The following MGAT4C variants were observed in gnomAD, a reference collection of about 807,000 sequenced individuals.
The protein encoded by MGAT4C is alpha-1,3-mannosyl-glycoprotein 4-beta-N-acetylglucosaminyltransferase C.
In MGAT4C, 19 loss-of-function variants were observed where a neutral mutation model predicts 40.1. The ratio of observed to expected loss-of-function variants is 0.47; its 90% CI spans 0.33 to 0.70. The LOEUF is 0.70. MGAT4C is among the 30% of genes least tolerant of loss of function. The pLI, the probability that MGAT4C is intolerant of heterozygous loss-of-function variation, is 0.02. For synonymous variants in MGAT4C, 181 were observed against 187.1 expected (o/e 0.97, Z 0.27); for missense variants, 491 against 563.2 (o/e 0.87, Z 1.30).
At chr12:86,660,870 A>C (rs1963965033) in intron 2 of MGAT4C, among the ~76,000 whole-genome samples, 1 of 152,190 alleles carries the variant, frequency 6.6e-6, no homozygotes, top group Non-Finnish European at 1.5e-5. Context: ...TATGTAGACC[A>C]TGAATTTTAA....
At chr12:86,557,713 T>C (rs1959679069) in intron 2 of MGAT4C, among the ~76,000 whole-genome samples, 1 of 152,166 alleles carries the variant, frequency 6.6e-6, no homozygotes, top group African/African-American at 2.4e-5. Flanking sequence ...ACTATAAATA[T>C]ATCTGTATGA....
chr12:86,756,323 G>T (rs1328291518), intron 1 of MGAT4C, among the ~76,000 whole-genome samples: 2 of 152,042 alleles, frequency 1.3e-5, no homozygotes, highest in Non-Finnish European at 2.9e-5. Context: ...CCCATCATGT[G>T]AGTCCCGCCT....
At chr12:86,170,133 GT>G (rs1489806647) in intron 1 of MGAT4C, among the ~76,000 whole-genome samples, 1 of 152,208 alleles carries the variant, frequency 6.6e-6, no homozygotes, top group Non-Finnish European at 1.5e-5. Flanking sequence ...ATGATTAGTT[GT>G]TGGGCTAAAG....
At chr12:86,157,810 C>T (rs140696275) in intron 1 of MGAT4C, among the ~76,000 whole-genome samples, 128 of 152,178 alleles carry the variant, frequency 8.4e-4, no homozygotes, top group Middle Eastern at 3.4e-3. Flanking sequence ...ATGAGAACAG[C>T]GTGGGGGAAA....
At chr12:86,708,841 G>C (rs1749111980) in intron 2 of MGAT4C, among the ~76,000 whole-genome samples, 1 of 152,146 alleles carries the variant, frequency 6.6e-6, no homozygotes, top group Non-Finnish European at 1.5e-5. Context: ...CCCCACACCT[G>C]TATCCCCATT....
chr12:86,109,695 T>C (rs1008000177), intron 1 of MGAT4C, among the ~76,000 whole-genome samples: 1 of 152,026 alleles, frequency 6.6e-6, no homozygotes, highest in Non-Finnish European at 1.5e-5. Context: ...ATTCATTATT[T>C]TGACAAATAT....
At chr12:86,564,459 A>G (rs1262428564) in intron 2 of MGAT4C, among the ~76,000 whole-genome samples, 1 of 152,178 alleles carries the variant, frequency 6.6e-6, no homozygotes, top group Non-Finnish European at 1.5e-5. Context: ...CCCTTCCACA[A>G]GATATCACAC....
intron 2 of MGAT4C, among the ~76,000 whole-genome samples, chr12:86,611,242 A>T (rs1163456548): frequency 2.0e-5 from 3 of 152,096 alleles, no homozygotes; most frequent in Admixed American, 6.6e-5. Context: ...ATTTTGAAAT[A>T]ATTGTTATTC....
At chr12:86,837,467 A>G (rs1953060073) in intron 1 of MGAT4C, among the ~76,000 whole-genome samples, 1 of 152,072 alleles carries the variant, frequency 6.6e-6, no homozygotes, top group Non-Finnish European at 1.5e-5. Flanking sequence ...TGCTCTTGTG[A>G]AGCTTAGCCA....
intron 1 of MGAT4C, among the ~76,000 whole-genome samples, chr12:86,221,433 A>C (rs1209418210): frequency 6.6e-6 from 1 of 152,214 alleles, no homozygotes; most frequent in African/African-American, 2.4e-5. Flanking sequence ...TGAGGACTAA[A>C]CAAGCTCATT....
chr12:86,548,867 T>C (rs1363762813), intron 2 of MGAT4C, among the ~76,000 whole-genome samples: 1 of 152,230 alleles, frequency 6.6e-6, no homozygotes, highest in Non-Finnish European at 1.5e-5. Context: ...GTTTTATTTA[T>C]TATTTTTAAA....
intron 1 of MGAT4C, among the ~76,000 whole-genome samples, chr12:86,085,282 C>T (rs1871569607): frequency 6.6e-6 from 1 of 151,980 alleles, no homozygotes; most frequent in Non-Finnish European, 1.5e-5. Flanking sequence ...CTTACCCATG[C>T]CTATGTCCTG....
chr12:86,818,772 G>A (rs1211334739), intron 1 of MGAT4C, among the ~76,000 whole-genome samples: 7 of 151,106 alleles, frequency 4.6e-5, no homozygotes. Context: ...AAACACATAT[G>A]ATAAAGAACT....
chr12:86,791,873 T>C (rs977272678), intron 1 of MGAT4C, among the ~76,000 whole-genome samples: 1 of 152,150 alleles, frequency 6.6e-6, no homozygotes, highest in Non-Finnish European at 1.5e-5. Context: ...CCCAACTTCA[T>C]GGCTGGGGAA....
chr12:86,009,818 A>G (rs990743563), intron 2 of MGAT4C, among the ~76,000 whole-genome samples: 2 of 152,074 alleles, frequency 1.3e-5, no homozygotes, highest in Non-Finnish European at 2.9e-5. Flanking sequence ...CTTGCTTTCT[A>G]TCTTACTGCT....
intron 1 of MGAT4C, among the ~76,000 whole-genome samples, chr12:86,053,884 C>T (rs1469647126): frequency 6.6e-6 from 1 of 151,770 alleles, no homozygotes; most frequent in Non-Finnish European, 1.5e-5. Context: ...AAGTAAAATT[C>T]ATGATGAGTT....
chr12:86,528,343 T>C (rs1393436063), intron 2 of MGAT4C, among the ~76,000 whole-genome samples: 1 of 152,100 alleles, frequency 6.6e-6, no homozygotes, highest in African/African-American at 2.4e-5. Context: ...AGTTTCACTC[T>C]ATTTCTCAGA....
intron 1 of MGAT4C, among the ~76,000 whole-genome samples, chr12:86,213,115 T>G (rs1335830092): frequency 1.3e-5 from 2 of 152,132 alleles, no homozygotes; most frequent in Admixed American, 6.6e-5. Flanking sequence ...ACATTAGCTT[T>G]GTCTGCTGAG....
intron 1 of MGAT4C, among the ~76,000 whole-genome samples, chr12:86,076,092 C>A (rs1048272372): frequency 1.5e-4 from 23 of 152,168 alleles, no homozygotes; most frequent in African/African-American, 5.3e-4. Flanking sequence ...TTTAACAGCA[C>A]CCAAGTCACC....
Sources: allele counts gnomAD v4.1 joint callset (sites outside exome capture counted in the v4.1 genomes callset), GRCh38; gene constraint gnomAD v4.1.1; transcripts MANE v1.5; gene names NCBI Gene and HGNC (gene_info 2026-07-23, HGNC 2026-07-21).